Variants in NEGR1 observed in about 807,000 individuals in gnomAD.
The protein encoded by NEGR1 is IgLON family member 4.
A neutral mutation model predicts 40.9 loss-of-function variants in NEGR1; 10 were observed. The ratio of observed to expected loss-of-function variants is 0.24; its 90% CI spans 0.15 to 0.42. The LOEUF (loss-of-function observed/expected upper bound fraction) is 0.42. Among genes scored for constraint, NEGR1 ranks in the 10% least tolerant of loss-of-function variants. The pLI, the probability that NEGR1 is intolerant of heterozygous loss-of-function variation, is 1.00. For missense variants in NEGR1, 352 were observed against 438.9 expected (o/e 0.80, Z 1.77); for synonymous variants, 185 against 166.8 (o/e 1.11, Z -0.84).
intron 3 of NEGR1, among the ~76,000 whole-genome samples, chr1:71,767,328 T>A (rs1656167710): frequency 6.6e-6 from 1 of 152,140 alleles, no homozygotes; most frequent in Non-Finnish European, 1.5e-5. Flanking sequence ...TATTGGGAAC[T>A]AGAGTAAAGG....
intron 1 of NEGR1, among the ~76,000 whole-genome samples, chr1:72,024,846 C>T (rs779855754): frequency 9.9e-5 from 15 of 152,152 alleles, no homozygotes; most frequent in Admixed American, 2.0e-4. Context: ...TTATGCAGAA[C>T]TTGACAGCTA....
chr1:71,707,015 A>G (rs1653923703), intron 3 of NEGR1, among the ~76,000 whole-genome samples: 1 of 152,114 alleles, frequency 6.6e-6, no homozygotes. Context: ...GGAAAACGAG[A>G]TCAAACTCAG....
At chr1:71,856,819 T>C (rs1659783152) in intron 2 of NEGR1, among the ~76,000 whole-genome samples, 1 of 152,116 alleles carries the variant, frequency 6.6e-6, no homozygotes, top group Non-Finnish European at 1.5e-5. Context: ...ATATGAATTA[T>C]TTTCTTTTTT....
chr1:71,603,404 G>A (rs1649985906), intron 5 of NEGR1, among the ~76,000 whole-genome samples: 1 of 152,188 alleles, frequency 6.6e-6, no homozygotes, highest in East Asian at 1.9e-4. Context: ...GTAAAATCTA[G>A]AAGAGAGATA....
rs372417066 is a variant in NEGR1 at position 71,593,001 on chromosome 1, T to C, written c.789-33A>G. The C allele has an allele frequency of 1.5e-5, 22 of 1,510,744 alleles. No individual in the cohort carries two copies. The African/African-American group carries it at 2.9e-4, about 20-fold the overall frequency. The allele number at this position is 1,510,744 out of a possible 1,614,324, so 93.6% of individuals were successfully genotyped here. A position where few individuals can be genotyped will look rare whatever the true frequency, so the allele number is the denominator to read the frequency against. On this transcript the variant is annotated intron_variant, in intron 5 of 6. Transcript: ENST00000357731. ...ACAAAATAAGCTCTAGGTAAATATG[T>C]ATTGTGAATACCAGTTTCATTTTTT...
intron 5 of NEGR1, among the ~76,000 whole-genome samples, chr1:71,604,589 A>G (rs1311686512): frequency 6.6e-6 from 1 of 152,152 alleles, no homozygotes; most frequent in Non-Finnish European, 1.5e-5. Flanking sequence ...TACCATTGTA[A>G]AATCAGGAAT....
chr1:72,059,245 G>A lies in NEGR1; in HGVS notation c.177-123934C>T, dbSNP rs75979802. 8.0e-4 allele frequency among the ~76,000 whole-genome samples: 121 copies of A among 151,652 alleles called. 1 individual carries two copies. The highest frequency in any genetic ancestry group is 2.8e-3 in the African/African-American group (115 of 41,448). Reference sequence around the variant, plus strand: ...CTTGATTTTCTAGTTTTAAGCCCCAGGATTAAGGATTATGTGCATCCAACG... The same window carrying A: ...CTTGATTTTCTAGTTTTAAGCCCCAAGATTAAGGATTATGTGCATCCAACG... On this transcript the variant is annotated intron_variant, in intron 1 of 6. Transcript: ENST00000357731.
intron 5 of NEGR1, among the ~76,000 whole-genome samples, chr1:71,593,784 G>A (rs1413597018): frequency 1.3e-5 from 2 of 152,098 alleles, no homozygotes; most frequent in African/African-American, 4.8e-5. Context: ...CCTATCTCTT[G>A]TACCTTCTAT....
At chr1:71,868,961 A>G (rs1570449606) in intron 2 of NEGR1, among the ~76,000 whole-genome samples, 2 of 152,072 alleles carry the variant, frequency 1.3e-5, no homozygotes, top group East Asian at 1.9e-4. Flanking sequence ...ATGATTTACA[A>G]TGACCTCAAT....
At chr1:71,884,948 T>C (rs1660685351) in intron 2 of NEGR1, among the ~76,000 whole-genome samples, 1 of 152,222 alleles carries the variant, frequency 6.6e-6, no homozygotes, top group Non-Finnish European at 1.5e-5. Flanking sequence ...TTTTACAAGC[T>C]AAAATCAGTG....
chr1:71,694,795 T>C (rs952728276), intron 4 of NEGR1, among the ~76,000 whole-genome samples: 2 of 151,842 alleles, frequency 1.3e-5, no homozygotes, highest in African/African-American at 4.8e-5. Context: ...ATATTTCATC[T>C]TGAACCCCAT....
At chr1:72,187,839 T>C (rs977937282) in intron 1 of NEGR1, among the ~76,000 whole-genome samples, 1 of 151,388 alleles carries the variant, frequency 6.6e-6, no homozygotes, top group African/African-American at 2.4e-5. Flanking sequence ...AACTGAGACT[T>C]AAAGAAATTC....
chr1:72,176,343 C>T lies in NEGR1; in HGVS notation c.176+105976G>A, dbSNP rs1652163129. 2.6e-5 allele frequency among the ~76,000 whole-genome samples: 4 copies of T among 152,022 alleles called. No homozygotes were observed. The South Asian group carries it at 6.2e-4, about 24-fold the overall frequency. ...TTATTTGTTCAAAGCATTCATAGAC[C>T]AATCACTGTGCTAATGTTTTACCAG... is the stretch of plus-strand genomic sequence containing the variant. On this transcript the variant is annotated intron_variant, in intron 1 of 6. Transcript: ENST00000357731.
intron 4 of NEGR1, among the ~76,000 whole-genome samples, chr1:71,659,953 G>A (rs1435152900): frequency 2.6e-5 from 4 of 152,032 alleles, no homozygotes; most frequent in Admixed American, 6.6e-5. Flanking sequence ...ACTACCATTC[G>A]ACCCAGTAAT....
intron 1 of NEGR1, among the ~76,000 whole-genome samples, chr1:72,256,270 C>G (rs966184002): frequency 6.6e-6 from 1 of 152,178 alleles, no homozygotes; most frequent in African/African-American, 2.4e-5. Flanking sequence ...GCTCTTCAGA[C>G]TAACAGGATA....
rs542593607 is a variant in NEGR1 at position 72,251,623 on chromosome 1, T to A, written c.176+30696A>T. Among the ~76,000 whole-genome samples, 16 of 152,324 alleles carry A rather than the reference T, an allele frequency of 1.1e-4. No individual in the cohort carries two copies. The South Asian group carries it at 3.3e-3, about 32-fold the overall frequency. The stretch of plus-strand genomic sequence containing the variant: ...TACCTAATCCAATGTAAATGCTATG[T>A]CAATCATTGTTATACTGTATTGTTT... On this transcript the variant is annotated intron_variant, in intron 1 of 6. Coordinates refer to ENST00000357731, the MANE Select transcript of NEGR1 (RefSeq NM_173808.3).
intron 1 of NEGR1, among the ~76,000 whole-genome samples, chr1:72,040,988 A>G (rs1646948867): frequency 6.6e-6 from 1 of 151,994 alleles, no homozygotes; most frequent in Non-Finnish European, 1.5e-5. Context: ...GTTTAGGTTC[A>G]TCCATATGTC....
chr1:71,508,902 G>T (rs1296533614), intron 6 of NEGR1, among the ~76,000 whole-genome samples: 2 of 152,208 alleles, frequency 1.3e-5, no homozygotes, highest in Non-Finnish European at 2.9e-5. Context: ...ACGGGTATAT[G>T]GGTGAGGGGC....
chr1:71,515,800 AC>A (rs1200240932), intron 6 of NEGR1, among the ~76,000 whole-genome samples: 1 of 127,510 alleles, frequency 7.8e-6, no homozygotes, highest in African/African-American at 3.4e-5. Flanking sequence ...AAGAGTCAAG[AC>A]CCATCAGTGT....
Sources: gnomAD v4.1 joint callset for allele counts (sites outside exome capture counted in the v4.1 genomes callset) on GRCh38, gnomAD v4.1.1 for gene constraint, MANE v1.5 for transcripts, NCBI Gene and HGNC (gene_info 2026-07-23, HGNC 2026-07-21) for gene names.